Variants in TENM2 observed in about 807,000 individuals in gnomAD.
The protein encoded by TENM2 is teneurin transmembrane protein 2, also known as teneurin-2.
TENM2 carries 52 observed loss-of-function variants against 245.2 expected under a neutral mutation model. That is an observed-to-expected ratio of 0.21 (90% CI 0.17 to 0.27). The LOEUF (loss-of-function observed/expected upper bound fraction) is 0.27, where lower values mean the gene tolerates loss of function less well. Ranked by LOEUF, TENM2 falls within the 10% of genes least tolerant of loss-of-function variation. TENM2 has a pLI of 1.00. For synonymous variants in TENM2, 1,363 were observed against 1,438.9 expected (o/e 0.95, Z 1.19); for missense variants, 3,046 against 3,666.8 (o/e 0.83, Z 4.37).
Position 168,048,008 on chromosome 5 carries a change from A to C in TENM2, c.1309+459A>C, listed in dbSNP as rs561328919. On this transcript the variant is annotated intron_variant, in intron 6 of 28. Coordinates refer to ENST00000518659, the Ensembl canonical transcript of TENM2. ...GAGACATGCAGCCTCCCTGGGGAGG[A>C]AGCTGCCTGGCTTGGCATGAAAGAG... 6.6e-5 allele frequency among the ~76,000 whole-genome samples: 10 copies of C among 152,252 alleles called. 1 individual carries two copies. The South Asian group carries it at 2.1e-3, about 32-fold the overall frequency.
chr5:167,512,453 C>T (rs1051789544), intron 2 of TENM2, among the ~76,000 whole-genome samples: 12 of 151,996 alleles, frequency 7.9e-5, no homozygotes, highest in East Asian at 1.9e-4. Flanking sequence ...CATAATAAAA[C>T]GTAATTTTCA....
At chr5:167,717,407 G>T (rs895204473) in intron 2 of TENM2, among the ~76,000 whole-genome samples, 1 of 152,126 alleles carries the variant, frequency 6.6e-6, no homozygotes, top group Non-Finnish European at 1.5e-5. Flanking sequence ...AGATGACTTA[G>T]AAGTAGGTTG....
intron 4 of TENM2, among the ~76,000 whole-genome samples, chr5:167,984,981 A>C (rs1783129802): frequency 6.6e-6 from 1 of 152,128 alleles, no homozygotes; most frequent in South Asian, 2.1e-4. Context: ...GGTGGTGGTT[A>C]TTTAACCTCT....
intron 22 of TENM2, among the ~76,000 whole-genome samples, 177 bp downstream of exon 24, chr5:168,217,099 CAGAT>C (rs1427353711): frequency 6.6e-6 from 1 of 151,830 alleles, no homozygotes; most frequent in Non-Finnish European, 1.5e-5. Flanking sequence ...TGGAAAATGT[CAGAT>C]AGGTATGAGA....
At chr5:168,090,517 G>A in intron 7 of TENM2, 57 bp from the exon 10 acceptor site, 1 of 1,484,080 alleles carries the variant, frequency 6.7e-7, no homozygotes, top group East Asian at 2.3e-5. Context: ...AAGGTACCAG[G>A]TATGGGACCA....
chr5:168,087,174 TAGAA>T (rs1484816764), intron 7 of TENM2: 13 of 152,278 alleles, frequency 8.5e-5, no homozygotes, highest in Admixed American at 3.9e-4. Flanking sequence ...CACTTTGAGA[TAGAA>T]AGGAGGAACA....
intron 2 of TENM2, among the ~76,000 whole-genome samples, chr5:167,712,536 A>G (rs980891077): frequency 2.0e-5 from 3 of 152,220 alleles, no homozygotes; most frequent in Non-Finnish European, 4.4e-5. Context: ...CCTTTGTTAA[A>G]AAGTTTTGCT....
the TENM2 span, among the ~76,000 whole-genome samples, chr5:167,172,829 T>C: frequency 6.6e-6 from 1 of 152,146 alleles, no homozygotes; most frequent in African/African-American, 2.4e-5. Context: ...TTGCTCATGC[T>C]GGTCTCAAAT....
At chr5:167,755,175 T>C (rs376623503) in intron 2 of TENM2, 4 of 1,598,742 alleles carry the variant, frequency 2.5e-6, no homozygotes, top group African/African-American at 2.7e-5. Flanking sequence ...CATGGGAAGG[T>C]TGTGATGGAG....
At chr5:167,093,609 C>G in the TENM2 span, among the ~76,000 whole-genome samples, 1 of 152,186 alleles carries the variant, frequency 6.6e-6, no homozygotes, top group Non-Finnish European at 1.5e-5. Context: ...CAATTTTGAA[C>G]TCTCTGTCCA....
At chr5:167,132,229 AT>A in the TENM2 span, among the ~76,000 whole-genome samples, 4 of 152,180 alleles carry the variant, frequency 2.6e-5, no homozygotes, top group African/African-American at 9.7e-5. Flanking sequence ...CGTCTATAAA[AT>A]TTTATGTATG....
At chr5:167,322,508 T>C in intron 1 of TENM2, among the ~76,000 whole-genome samples, 1 of 152,186 alleles carries the variant, frequency 6.6e-6, no homozygotes, top group Non-Finnish European at 1.5e-5. Flanking sequence ...CCTTTTCCTT[T>C]CTTTCTTCTA....
chr5:167,156,448 C>T, the TENM2 span, among the ~76,000 whole-genome samples: 1 of 152,138 alleles, frequency 6.6e-6, no homozygotes, highest in African/African-American at 2.4e-5. Context: ...TTGCCTCAAC[C>T]AGTGGTAATC....
chr5:167,418,255 G>A (rs1327371101), intron 2 of TENM2, among the ~76,000 whole-genome samples: 11 of 151,874 alleles, frequency 7.2e-5, no homozygotes, highest in Admixed American at 3.3e-4. Context: ...CTTGAACCCC[G>A]GAGGTGGAGG....
At chr5:167,368,440 A>G (rs59817073) in intron 1 of TENM2, among the ~76,000 whole-genome samples, 5,632 of 152,224 alleles carry the variant, frequency 0.037, 289 homozygotes, top group African/African-American at 0.12. Context: ...TTTCCAAAAA[A>G]TACTTGATGA....
rs368881390 is a variant in TENM2, at chr5:167,445,336, T to TATAGAGAGAGAGAGAG, written c.502+69864_502+69865insTAGAGAGAGAGAGAGA. Among the ~76,000 whole-genome samples the TATAGAGAGAGAGAGAG allele has an allele frequency of 1.7e-3, 133 of 77,226 alleles. 1 individual carries two copies. Among genetic ancestry groups the TATAGAGAGAGAGAGAG allele is most frequent in the East Asian group, 2.5e-3 (7 of 2,778 alleles). The allele number at this position is 77,226 out of a possible 152,430, so 50.7% of individuals were successfully genotyped here. A position where few individuals can be genotyped will look rare whatever the true frequency, so the allele number is the denominator to read the frequency against. On this transcript the variant is annotated intron_variant, in intron 2 of 28. Transcript: ENST00000518659. ...TTATATATATATATATATATATATATAGAGAGAGAGAGAGAGAGAGAGAGA... is the reference window on the plus strand; with the variant it reads ...TTATATATATATATATATATATATATATAGAGAGAGAGAGAGAGAGAGAGAGAGAGAGAGAGAGAGA...
chr5:167,718,407 T>A (rs1582830791), intron 2 of TENM2, among the ~76,000 whole-genome samples: 3 of 152,186 alleles, frequency 2.0e-5, no homozygotes, highest in African/African-American at 7.2e-5. Flanking sequence ...GCTCAGTGTC[T>A]GCATCTCTAA....
intron 3 of TENM2, among the ~76,000 whole-genome samples, chr5:167,917,400 G>T (rs1349743334): frequency 2.0e-5 from 3 of 152,076 alleles, no homozygotes; most frequent in African/African-American, 7.3e-5. Flanking sequence ...TAGATGTGCC[G>T]CACTGGCTTC....
At chr5:167,928,087 C>T (rs1277722234) in intron 3 of TENM2, among the ~76,000 whole-genome samples, 2 of 152,208 alleles carry the variant, frequency 1.3e-5, no homozygotes, top group African/African-American at 4.8e-5. Flanking sequence ...AATCACAACT[C>T]TTCCTCCTAC....
Sources: gnomAD v4.1 joint callset for allele counts (sites outside exome capture counted in the v4.1 genomes callset) on GRCh38, gnomAD v4.1.1 for gene constraint, MANE v1.5 for transcripts, NCBI Gene and HGNC (gene_info 2026-07-23, HGNC 2026-07-21) for gene names.